DLEU7: variants seen among roughly 807,000 people sequenced by gnomAD.
DLEU7 encodes the protein deleted in lymphocytic leukemia 7, also known as leukemia-associated protein 7.
In DLEU7, 17 loss-of-function variants were observed where a neutral mutation model predicts 16.0. The observed-to-expected ratio is 1.06, with a 90% CI of 0.73 to 1.59. DLEU7 has a LOEUF of 1.59. Ranked by LOEUF, DLEU7 falls within the 40% of genes most tolerant of loss-of-function variation. DLEU7 has a pLI of 0.00. For missense variants in DLEU7, 308 were observed against 314.9 expected (o/e 0.98, Z 0.17); for synonymous variants, 113 against 139.8 (o/e 0.81, Z 1.35).
At chr13:50,736,992 G>T (rs1386307403) in intron 1 of DLEU7, among the ~76,000 whole-genome samples, 1 of 152,088 alleles carries the variant, frequency 6.6e-6, no homozygotes, top group African/African-American at 2.4e-5. Context: ...GCAATATCAT[G>T]TTTCAGGATA....
chr13:50,833,961 T>C (rs985253771), intron 1 of DLEU7, among the ~76,000 whole-genome samples: 2 of 152,158 alleles, frequency 1.3e-5, no homozygotes, highest in African/African-American at 2.4e-5. Context: ...ATTTAAAAAA[T>C]AGTGTTGGGA....
chr13:50,720,275 T>A (rs867230400), intron 1 of DLEU7, among the ~76,000 whole-genome samples: 13 of 152,194 alleles, frequency 8.5e-5, no homozygotes, highest in African/African-American at 2.9e-4. Flanking sequence ...CAACCTCAAA[T>A]ATGTTTCCGT....
chr13:50,736,308 A>G (rs1218628832), intron 1 of DLEU7, among the ~76,000 whole-genome samples: 10 of 152,166 alleles, frequency 6.6e-5, no homozygotes. Context: ...TAATGAGAAC[A>G]CATGGACACG....
At chr13:50,824,795 T>C (rs1176256710) in intron 1 of DLEU7, among the ~76,000 whole-genome samples, 2 of 152,188 alleles carry the variant, frequency 1.3e-5, no homozygotes, top group Non-Finnish European at 2.9e-5. Context: ...CAGGGAAACG[T>C]GTCTGCAACC....
chr13:50,749,301 G>T (rs1874492532), intron 1 of DLEU7, among the ~76,000 whole-genome samples: 1 of 151,718 alleles, frequency 6.6e-6, no homozygotes, highest in Admixed American at 6.6e-5. Context: ...TATAGATGTA[G>T]ATATATATCT....
chr13:50,819,587 A>G (rs780185178), downstream of DLEU7, among the ~76,000 whole-genome samples: 21 of 152,118 alleles, frequency 1.4e-4, no homozygotes, highest in Non-Finnish European at 4.4e-5. Flanking sequence ...GATTTGAGAC[A>G]TGTTTTGAAG....
intron 1 of DLEU7, among the ~76,000 whole-genome samples, chr13:50,717,098 TTA>T (rs1873459455): frequency 6.6e-6 from 1 of 152,218 alleles, no homozygotes; most frequent in Non-Finnish European, 1.5e-5. Flanking sequence ...TTTAGGATCT[TTA>T]ATACTTTAGC....
intron 1 of DLEU7, among the ~76,000 whole-genome samples, chr13:50,800,787 A>G (rs1356296101): frequency 6.6e-6 from 1 of 152,114 alleles, no homozygotes; most frequent in African/African-American, 2.4e-5. Context: ...GCCCTTAGGG[A>G]GAAGAGAGAG....
intron 1 of DLEU7, among the ~76,000 whole-genome samples, chr13:50,732,634 TG>T (rs1873946762): frequency 8.3e-6 from 1 of 120,514 alleles, no homozygotes; most frequent in South Asian, 2.3e-4. Flanking sequence ...AAAGCTTATG[TG>T]CTTATGTTCA....
At chr13:50,752,787 C>A (rs1406840317) in intron 1 of DLEU7, among the ~76,000 whole-genome samples, 1 of 152,112 alleles carries the variant, frequency 6.6e-6, no homozygotes, top group Admixed American at 6.6e-5. Context: ...AAAGAGTGAG[C>A]AGCAACAAGA....
At chr13:50,802,790 T>G (rs1876285888) in intron 1 of DLEU7, among the ~76,000 whole-genome samples, 1 of 152,194 alleles carries the variant, frequency 6.6e-6, no homozygotes. Flanking sequence ...TATTTCCAGA[T>G]ATGTTTTATA....
intron 1 of DLEU7, among the ~76,000 whole-genome samples, chr13:50,811,492 G>C (rs1876565440): frequency 6.6e-6 from 1 of 152,152 alleles, no homozygotes; most frequent in African/African-American, 2.4e-5. Context: ...AGAAAGGATT[G>C]TGATGATGGG....
At chr13:50,835,467 G>A (rs1877424737) in intron 1 of DLEU7, among the ~76,000 whole-genome samples, 1 of 152,202 alleles carries the variant, frequency 6.6e-6, no homozygotes, top group Admixed American at 6.5e-5. Context: ...TTTTCTTAAG[G>A]TTGACTGAGT....
chr13:50,778,059 C>T (rs1258997438), intron 1 of DLEU7, among the ~76,000 whole-genome samples: 1 of 152,126 alleles, frequency 6.6e-6, no homozygotes, highest in Non-Finnish European at 1.5e-5. Context: ...CTACCTGAGA[C>T]TGGGTAGTTT....
At chr13:50,837,621 C>T (rs1395321469) in intron 1 of DLEU7, among the ~76,000 whole-genome samples, 2 of 152,060 alleles carry the variant, frequency 1.3e-5, no homozygotes, top group African/African-American at 4.8e-5. Flanking sequence ...ATTATATAAC[C>T]GTGAGCATTT....
intron 1 of DLEU7, among the ~76,000 whole-genome samples, chr13:50,716,125 A>C (rs1873432494): frequency 6.6e-6 from 1 of 152,234 alleles, no homozygotes; most frequent in Admixed American, 6.5e-5. Context: ...AAATAAGGAA[A>C]CAAGTTCACT....
intron 1 of DLEU7, among the ~76,000 whole-genome samples, chr13:50,830,397 A>G (rs1877224238): frequency 6.6e-6 from 1 of 152,238 alleles, no homozygotes; most frequent in African/African-American, 2.4e-5. Context: ...TGATCTATAA[A>G]GAGCTTATAA....
At chr13:50,801,686 G>T (rs1278876184) in intron 1 of DLEU7, among the ~76,000 whole-genome samples, 1 of 152,074 alleles carries the variant, frequency 6.6e-6, no homozygotes, top group East Asian at 1.9e-4. Flanking sequence ...GGAAAACTCT[G>T]ATCCAACATT....
At chr13:50,797,377 G>A (rs776918850) in intron 1 of DLEU7, among the ~76,000 whole-genome samples, 4 of 152,130 alleles carry the variant, frequency 2.6e-5, no homozygotes, top group Non-Finnish European at 4.4e-5. Context: ...TTTCTGGGAC[G>A]TGCTAATATA....
Sources: allele counts gnomAD v4.1 joint callset (sites outside exome capture counted in the v4.1 genomes callset), GRCh38; gene constraint gnomAD v4.1.1; transcripts MANE v1.5; gene names NCBI Gene and HGNC (gene_info 2026-07-23, HGNC 2026-07-21).